The following KCND2 variants were observed in gnomAD, a reference collection of about 807,000 sequenced individuals.
KCND2 encodes potassium voltage-gated channel subfamily D member 2, also known as A-type voltage-gated potassium channel KCND2.
Under a neutral mutation model 54.4 loss-of-function variants are expected in KCND2, and 16 were observed. That is an observed-to-expected ratio of 0.29 (90% confidence interval 0.20 to 0.45). KCND2 has a LOEUF of 0.45. KCND2 is among the 20% of genes least tolerant of loss of function. KCND2 has a pLI of 1.00. For synonymous variants in KCND2, 317 were observed against 310.7 expected, an observed-to-expected ratio of 1.02 and a Z score of -0.21; for missense variants, 486 against 824.2, an observed-to-expected ratio of 0.59 and a Z score of 5.02.
chr7:120,523,476 A>G (rs1258278512), intron 1 of KCND2, among the ~76,000 whole-genome samples: 1 of 150,332 alleles, frequency 6.7e-6, no homozygotes, highest in African/African-American at 2.4e-5. Flanking sequence ...GGTTTAATAT[A>G]ATTTTTTAGA....
At chr7:120,539,829 T>A (rs2116378450) in intron 1 of KCND2, among the ~76,000 whole-genome samples, 1 of 152,288 alleles carries the variant, frequency 6.6e-6, no homozygotes, top group South Asian at 2.1e-4. Context: ...CTCATGTGAT[T>A]CATTAGTTCC....
At chr7:120,407,674 G>A (rs1190099921) in intron 1 of KCND2, among the ~76,000 whole-genome samples, 4 of 151,424 alleles carry the variant, frequency 2.6e-5, no homozygotes, top group Non-Finnish European at 5.9e-5. Flanking sequence ...TAACTTCTAT[G>A]TAAATATTCA....
intron 1 of KCND2, among the ~76,000 whole-genome samples, chr7:120,498,576 A>G (rs1194966746): frequency 6.6e-6 from 1 of 152,066 alleles, no homozygotes; most frequent in Non-Finnish European, 1.5e-5. Context: ...GGAGCTTGAT[A>G]CCAGCCTGGG....
intron 1 of KCND2, among the ~76,000 whole-genome samples, chr7:120,623,963 T>G (rs1212506323): frequency 6.6e-6 from 1 of 152,140 alleles, no homozygotes; most frequent in Non-Finnish European, 1.5e-5. Context: ...AAAAAATAAT[T>G]AGAAAATGTT....
chr7:120,624,083 A>C (rs1053888111), intron 1 of KCND2, among the ~76,000 whole-genome samples: 2 of 152,226 alleles, frequency 1.3e-5, no homozygotes, highest in African/African-American at 4.8e-5. Context: ...AAAATTGTCA[A>C]TGGCAAAGAA....
At chr7:120,582,532 A>G (rs1321662267) in intron 1 of KCND2, among the ~76,000 whole-genome samples, 1 of 151,712 alleles carries the variant, frequency 6.6e-6, no homozygotes, top group Admixed American at 6.6e-5. Context: ...CTCACACCAC[A>G]CCTTAGATTG....
At position 120,750,223 on chromosome 7, in the gene KCND2, T is replaced by C. The variant is rs1030249427; in HGVS notation, c.*2365T>C. On this transcript the variant is annotated 3_prime_UTR_variant, in exon 6 of 6. Transcript: ENST00000331113. ...AGGTCATTGTTTTTGACAATTTTGT[T>C]TGAAATTCATATATCTTATTTCAAA... 11 of 152,424 alleles carry C rather than the reference T, an allele frequency of 7.2e-5. No individual in the cohort carries two copies. The highest frequency in any genetic ancestry group is 2.7e-4 in the African/African-American group (11 of 41,448). The allele number at this position is 152,424 out of a possible 1,614,324, so 9.4% of individuals were successfully genotyped here.
chr7:120,574,921 A>G (rs1396910894), intron 1 of KCND2, among the ~76,000 whole-genome samples: 1 of 151,966 alleles, frequency 6.6e-6, no homozygotes, highest in African/African-American at 2.4e-5. Context: ...TTTTTGAATT[A>G]TTTTAAAATT....
intron 1 of KCND2, among the ~76,000 whole-genome samples, chr7:120,508,874 G>A (rs961524666): frequency 1.4e-5 from 2 of 147,566 alleles, no homozygotes; most frequent in African/African-American, 2.6e-5. Context: ...CTTTTAGATT[G>A]GAAGTTGCCT....
intron 1 of KCND2, among the ~76,000 whole-genome samples, chr7:120,697,022 A>C (rs1792340827): frequency 6.6e-6 from 1 of 152,208 alleles, no homozygotes; most frequent in African/African-American, 2.4e-5. Flanking sequence ...TAACTTGAGA[A>C]CATTCAATTT....
At chr7:120,380,271 G>A (rs1359756944) in intron 1 of KCND2, among the ~76,000 whole-genome samples, 3 of 152,070 alleles carry the variant, frequency 2.0e-5, no homozygotes, top group Non-Finnish European at 4.4e-5. Context: ...GAACCAAGGT[G>A]GACTGCATTT....
chr7:120,536,883 T>A (rs1791918576), intron 1 of KCND2, among the ~76,000 whole-genome samples: 2 of 152,192 alleles, frequency 1.3e-5, no homozygotes, highest in South Asian at 4.1e-4. Flanking sequence ...CTGATAATGA[T>A]TCACAATATT....
intron 1 of KCND2, among the ~76,000 whole-genome samples, chr7:120,520,797 T>C (rs1791681565): frequency 6.6e-6 from 1 of 152,124 alleles, no homozygotes; most frequent in Non-Finnish European, 1.5e-5. Flanking sequence ...TTATTACAAA[T>C]AATTTCCACA....
intron 1 of KCND2, among the ~76,000 whole-genome samples, chr7:120,545,722 T>A (rs1307781552): frequency 1.3e-5 from 2 of 151,838 alleles, no homozygotes; most frequent in Non-Finnish European, 3.0e-5. Flanking sequence ...ATGTAGGGGC[T>A]AACAAGCATA....
chr7:120,676,506 A>G (rs1024752582), intron 1 of KCND2, among the ~76,000 whole-genome samples: 1 of 152,178 alleles, frequency 6.6e-6, no homozygotes, highest in Admixed American at 6.5e-5. Context: ...TATAGTTTGG[A>G]AACCTGTCTC....
At chr7:120,318,376 A>G (rs899392685) in intron 1 of KCND2, among the ~76,000 whole-genome samples, 3 of 152,148 alleles carry the variant, frequency 2.0e-5, no homozygotes, top group African/African-American at 7.2e-5. Flanking sequence ...AGGCTCTTTC[A>G]GAAATAATGT....
chr7:120,554,100 G>C lies in KCND2; in HGVS notation c.1116-178803G>C, dbSNP rs145127074. On this transcript the variant is annotated intron_variant, in intron 1 of 5. Transcript: ENST00000331113. ...GTTAACCTATTTTCCTGCTGACCTG[G>C]AGATGATTCAAAGCCCAATCTTGGC... is the stretch of plus-strand genomic sequence containing the variant. Among the ~76,000 whole-genome samples the C allele has an allele frequency of 2.6e-4, 39 of 152,292 alleles. No individual in the cohort carries two copies. In the East Asian group the frequency reaches 6.6e-3, roughly 26 times the overall value.
At chr7:120,500,173 A>G (rs1023757824) in intron 1 of KCND2, among the ~76,000 whole-genome samples, 2 of 152,130 alleles carry the variant, frequency 1.3e-5, no homozygotes, top group African/African-American at 4.8e-5. Context: ...TCTAATATGA[A>G]TTTTTGGTAT....
chr7:120,347,439 A>T (rs1414328529), intron 1 of KCND2, among the ~76,000 whole-genome samples: 1 of 152,170 alleles, frequency 6.6e-6, no homozygotes, highest in Non-Finnish European at 1.5e-5. Context: ...CTCAAGAAGG[A>T]AGCGCTCATG....
Sources: allele counts gnomAD v4.1 joint callset (sites outside exome capture counted in the v4.1 genomes callset), GRCh38; gene constraint gnomAD v4.1.1; transcripts MANE v1.5; gene names NCBI Gene and HGNC (gene_info 2026-07-23, HGNC 2026-07-21).